The following CD47 variants were observed in gnomAD, a reference collection of about 807,000 sequenced individuals.
CD47 encodes leukocyte surface antigen CD47.
CD47 carries 11 observed loss-of-function variants against 44.6 expected under a neutral mutation model. That is an observed-to-expected ratio of 0.25 (90% CI 0.16 to 0.41). The LOEUF is 0.41. Among genes scored for constraint, CD47 ranks in the 10% least tolerant of loss-of-function variants. The pLI is 1.00. For synonymous variants in CD47, 140 were observed against 136.3 expected (o/e 1.03, Z -0.19); for missense variants, 306 against 386.7 (o/e 0.79, Z 1.75).
At chr3:108,055,395 T>C in intron 7 of CD47, 2 of 388,576 alleles carry the variant, frequency 5.1e-6, no homozygotes, top group Non-Finnish European at 9.3e-6. Context: ...CTTCCTAATA[T>C]AAACGCTCAA....
Position 108,066,139 on chromosome 3 carries a change from A to C in CD47, c.490+4954T>G, listed in dbSNP as rs534264608. Reference sequence around the variant, plus strand: ...AGGATCTCAAGGTAGTGTAATGAGAACTTTTTTCCTTGAATTTTCTAACAA... The same window carrying C: ...AGGATCTCAAGGTAGTGTAATGAGACCTTTTTTCCTTGAATTTTCTAACAA... On this transcript the variant is annotated intron_variant, in intron 3 of 10. Transcript: ENST00000361309. 1.1e-4 allele frequency among the ~76,000 whole-genome samples: 16 copies of C among 152,210 alleles called. No homozygotes were observed. In the South Asian group the frequency reaches 3.1e-3, roughly 30 times the overall value.
intron 10 of CD47, among the ~76,000 whole-genome samples, chr3:108,047,915 A>T (rs912531565): frequency 6.6e-6 from 1 of 152,246 alleles, no homozygotes; most frequent in Non-Finnish European, 1.5e-5. Context: ...GCAGTAGTTT[A>T]AAAAAGTCAC....
intron 8 of CD47, among the ~76,000 whole-genome samples, chr3:108,051,294 C>A (rs750061746): frequency 4.6e-5 from 7 of 152,252 alleles, no homozygotes; most frequent in Non-Finnish European, 8.8e-5. Context: ...ACCTCTTGGG[C>A]CTGTCACTGT....
At chr3:108,055,187 A>C (rs1408278280) in intron 7 of CD47, among the ~76,000 whole-genome samples, 1 of 152,212 alleles carries the variant, frequency 6.6e-6, no homozygotes, top group Non-Finnish European at 1.5e-5. Flanking sequence ...TAAGGCTACA[A>C]ATTTAAAGTT....
intron 8 of CD47, among the ~76,000 whole-genome samples, chr3:108,051,224 C>T (rs1576986477): frequency 6.6e-6 from 1 of 152,330 alleles, no homozygotes; most frequent in East Asian, 1.9e-4. Context: ...CATCTATCAT[C>T]ACTCCGTTAT....
rs564204758 is a variant in CD47, at chr3:108,054,546, T to C, written c.878-2576A>G. 2.0e-5 allele frequency: 3 copies of C among 152,214 alleles called. No individual in the cohort carries two copies. The South Asian group carries it at 6.2e-4, about 32-fold the overall frequency. 9.4% of individuals were successfully genotyped at this position (152,214 alleles called of 1,614,324 possible). A position where few individuals can be genotyped will look rare whatever the true frequency, so the allele number is the denominator to read the frequency against. On this transcript the variant is annotated intron_variant, in intron 7 of 10. Transcript: ENST00000361309. ...CATGAGCCTAAGACATTGACAGCCA[T>C]ATATATATATTTTTTAACCACAAGC...
chr3:108,088,035 C>G (rs2079554597), intron 1 of CD47, among the ~76,000 whole-genome samples: 1 of 151,934 alleles, frequency 6.6e-6, no homozygotes, highest in Non-Finnish European at 1.5e-5. Flanking sequence ...TTTATGATAA[C>G]CCAAGACGAT....
chr3:108,090,939 G>T lies in CD47; in HGVS notation c.-31C>A. On this transcript the variant is annotated 5_prime_UTR_variant, in exon 1 of 11. Coordinates refer to ENST00000361309, the MANE Select transcript of CD47 (RefSeq NM_001777.4). Reference sequence around the variant, plus strand: ...CGCCCGCCGCGGGGTCGCCGCCGCCGCCGCAGGTGTCCGGAGCAGCAGCCG... The same window carrying T: ...CGCCCGCCGCGGGGTCGCCGCCGCCTCCGCAGGTGTCCGGAGCAGCAGCCG... The T allele has an allele frequency of 6.9e-7, 1 of 1,450,220 alleles. No homozygotes were observed. Among genetic ancestry groups the T allele is most frequent in the East Asian group, 3.0e-5 (1 of 33,438 alleles). The allele number at this position is 1,450,220 out of a possible 1,614,324, so 89.8% of individuals were successfully genotyped here. A position where few individuals can be genotyped will look rare whatever the true frequency, so the allele number is the denominator to read the frequency against.
intron 6 of CD47, among the ~76,000 whole-genome samples, 190 bp downstream of exon 6, chr3:108,058,147 G>GA (rs1464601780): frequency 6.6e-6 from 1 of 151,726 alleles, no homozygotes; most frequent in Non-Finnish European, 1.5e-5. Context: ...AAATGGAATT[G>GA]AAAACTTATG....
At chr3:108,061,602 T>C (rs1443801326) in intron 3 of CD47, among the ~76,000 whole-genome samples, 2 of 152,220 alleles carry the variant, frequency 1.3e-5, no homozygotes, top group Non-Finnish European at 2.9e-5. Context: ...CTAGCTCCAC[T>C]GTCAAGTATC....
intron 2 of CD47, among the ~76,000 whole-genome samples, chr3:108,073,561 G>A (rs927219023): frequency 1.3e-5 from 2 of 152,140 alleles, no homozygotes; most frequent in Non-Finnish European, 2.9e-5. Context: ...CCAAAGGAAC[G>A]GCAACTTTGA....
chr3:108,065,752 C>T, intron 3 of CD47, among the ~76,000 whole-genome samples: 1 of 128,072 alleles, frequency 7.8e-6, no homozygotes, highest in Admixed American at 1.0e-4. Context: ...GCGGAGGTTG[C>T]AGTGAGCCGA....
intron 1 of CD47, among the ~76,000 whole-genome samples, chr3:108,083,967 C>T (rs1394716662): frequency 6.6e-6 from 1 of 151,488 alleles, no homozygotes; most frequent in Admixed American, 6.6e-5. Context: ...TTTCTGCCTC[C>T]ATACCCATCA....
At chr3:108,089,645 C>T (rs1056140656) in intron 1 of CD47, among the ~76,000 whole-genome samples, 1 of 152,072 alleles carries the variant, frequency 6.6e-6, no homozygotes, top group Non-Finnish European at 1.5e-5. Flanking sequence ...ATTTAGATAA[C>T]GGAGACCTGG....
At chr3:108,079,069 T>A (rs1038871809) in intron 2 of CD47, among the ~76,000 whole-genome samples, 1 of 152,030 alleles carries the variant, frequency 6.6e-6, no homozygotes, top group African/African-American at 2.4e-5. Flanking sequence ...CCATTCCTAA[T>A]CTGGTAGTAG....
intron 10 of CD47, 135 bp from the exon 11 acceptor site, chr3:108,047,427 C>T (rs2078738078): frequency 2.0e-6 from 1 of 510,022 alleles, no homozygotes; most frequent in Non-Finnish European, 3.3e-6. Flanking sequence ...AGGTCAGAGA[C>T]AGAAACCAGG....
intron 10 of CD47, 100 bp downstream of exon 10, chr3:108,049,519 C>T: frequency 2.7e-6 from 2 of 750,486 alleles, no homozygotes; most frequent in Non-Finnish European, 4.8e-6. Context: ...CTGACAGTGT[C>T]CCTTTTACTA....
In CD47 at chr3:108,090,977, C is replaced by T; in HGVS notation, c.-69G>A. ...GGAGCAGCAGCCGCCGCCGCCGTTA[C>T]AGGCAGGACCGACCGCCGCCGCGCG... is the stretch of plus-strand genomic sequence containing the variant. On this transcript the variant is annotated 5_prime_UTR_variant, in exon 1 of 11. Coordinates refer to ENST00000361309, the MANE Select transcript of CD47 (RefSeq NM_001777.4). 2.6e-6 allele frequency: 3 copies of T among 1,172,792 alleles called. No individual in the cohort carries two copies. Among genetic ancestry groups the T allele is most frequent in the Non-Finnish European group, 2.3e-6 (2 of 888,866 alleles). The allele number at this position is 1,172,792 out of a possible 1,614,324, so 72.6% of individuals were successfully genotyped here. A position where few individuals can be genotyped will look rare whatever the true frequency, so the allele number is the denominator to read the frequency against.
At chr3:108,055,861 C>T (rs1430668224) in intron 7 of CD47, among the ~76,000 whole-genome samples, 1 of 152,124 alleles carries the variant, frequency 6.6e-6, no homozygotes, top group Non-Finnish European at 1.5e-5. Flanking sequence ...GGCAGATAGA[C>T]AATGCTTAGT....
Sources: allele counts gnomAD v4.1 joint callset (sites outside exome capture counted in the v4.1 genomes callset), GRCh38; gene constraint gnomAD v4.1.1; transcripts MANE v1.5; gene names NCBI Gene and HGNC (gene_info 2026-07-23, HGNC 2026-07-21).